The following PLEKHA5 variants were observed in gnomAD, a reference collection of about 807,000 sequenced individuals.
PLEKHA5 encodes pleckstrin homology domain containing A5.
Under a neutral mutation model 181.9 loss-of-function variants are expected in PLEKHA5, and 55 were observed. The observed-to-expected ratio is 0.30, with a 90% CI of 0.24 to 0.38. The LOEUF is 0.38. PLEKHA5 is among the 10% of genes least tolerant of loss of function. PLEKHA5 has a pLI of 1.00. For synonymous variants in PLEKHA5, 535 were observed against 529.4 expected (o/e 1.01, Z -0.15); for missense variants, 1,432 against 1,549.5 (o/e 0.92, Z 1.27).
chr12:19,260,603 T>C (rs1489459870), intron 6 of PLEKHA5, among the ~76,000 whole-genome samples: 2 of 152,144 alleles, frequency 1.3e-5, no homozygotes, highest in African/African-American at 4.8e-5. Context: ...AAGCCTGTAA[T>C]CCCAGCACTT....
At chr12:19,239,337 C>T (rs2062015535) in intron 3 of PLEKHA5, among the ~76,000 whole-genome samples, 1 of 152,056 alleles carries the variant, frequency 6.6e-6, no homozygotes, top group South Asian at 2.1e-4. Context: ...CTGTAGTGGC[C>T]ATTGGATTTC....
At chr12:19,367,755 ATT>A (rs34285066) in intron 30 of PLEKHA5, among the ~76,000 whole-genome samples, 6 of 131,682 alleles carry the variant, frequency 4.6e-5, no homozygotes, top group African/African-American at 2.8e-5. Flanking sequence ...AATTTTTTGT[ATT>A]TTTTTTTTTT....
intron 12 of PLEKHA5, among the ~76,000 whole-genome samples, chr12:19,286,763 C>G (rs541087634): frequency 6.6e-6 from 1 of 151,700 alleles, no homozygotes; most frequent in Non-Finnish European, 1.5e-5. Context: ...GCCAGGAGTT[C>G]GAGACCAGCC....
chr12:19,314,791 A>G (rs1051393344), intron 15 of PLEKHA5, 23 bp from the exon 16 acceptor site: 6 of 1,320,174 alleles, frequency 4.5e-6, no homozygotes, highest in Admixed American at 2.0e-5. Flanking sequence ...TGTTTGCTGT[A>G]TGCTCCTCCT....
chr12:19,303,805 T>A (rs955773525), intron 15 of PLEKHA5: 1 of 146,936 alleles, frequency 6.8e-6, no homozygotes, highest in African/African-American at 2.5e-5. Context: ...TAAGATATCC[T>A]TTCTTTGAGC....
chr12:19,161,494 A>G (rs2042955071), intron 3 of PLEKHA5, among the ~76,000 whole-genome samples: 1 of 152,034 alleles, frequency 6.6e-6, no homozygotes. Context: ...CACAATCAGC[A>G]CCCCTCTCCC....
intron 16 of PLEKHA5, among the ~76,000 whole-genome samples, chr12:19,317,640 T>A (rs959463850): frequency 6.6e-6 from 1 of 151,952 alleles, no homozygotes; most frequent in African/African-American, 2.4e-5. Context: ...ATAGTCCACA[T>A]ACCTAAGGGA....
chr12:19,176,134 G>A (rs906250221), intron 3 of PLEKHA5, among the ~76,000 whole-genome samples: 1 of 151,834 alleles, frequency 6.6e-6, no homozygotes, highest in Non-Finnish European at 1.5e-5. Flanking sequence ...GAGATAACAA[G>A]ATACAATGTT....
chr12:19,296,795 C>G (rs894615807), intron 15 of PLEKHA5, among the ~76,000 whole-genome samples: 7 of 152,146 alleles, frequency 4.6e-5, no homozygotes, highest in African/African-American at 1.7e-4. Flanking sequence ...GTCAAAAACT[C>G]TCCATGAGTG....
intron 20 of PLEKHA5, among the ~76,000 whole-genome samples, chr12:19,327,706 G>A (rs1480462815): frequency 1.2e-4 from 18 of 145,836 alleles, no homozygotes; most frequent in South Asian, 6.4e-4. Context: ...GTGCAGTGGC[G>A]CGATCTTTGC....
At chr12:19,144,980 A>G (rs1206928520) in intron 3 of PLEKHA5, among the ~76,000 whole-genome samples, 3 of 152,226 alleles carry the variant, frequency 2.0e-5, no homozygotes, top group African/African-American at 7.2e-5. Flanking sequence ...GATATAAATA[A>G]TTGGTATCTT....
intron 3 of PLEKHA5, among the ~76,000 whole-genome samples, chr12:19,164,300 G>A (rs2043761851): frequency 6.8e-6 from 1 of 147,964 alleles, no homozygotes. Flanking sequence ...CCGGGTTCAA[G>A]CGATTCTCCT....
chr12:19,371,272 G>A (rs1265737068), intron 31 of PLEKHA5: 2 of 152,334 alleles, frequency 1.3e-5, no homozygotes, highest in African/African-American at 4.8e-5. Flanking sequence ...CTCCCAAAGT[G>A]CTGAGATTAC....
chr12:19,361,762 A>T, intron 29 of PLEKHA5, 56 bp downstream of exon 29: 1 of 1,456,774 alleles, frequency 6.9e-7, no homozygotes, highest in Non-Finnish European at 9.5e-7. Context: ...CTGCTTAAAA[A>T]TGGTGAACTT....
At chr12:19,218,906 ATTTT>A (rs34616084) in intron 3 of PLEKHA5, among the ~76,000 whole-genome samples, 11 of 132,860 alleles carry the variant, frequency 8.3e-5, no homozygotes, top group South Asian at 2.3e-4. Flanking sequence ...TATTATTATT[ATTTT>A]TTTTTTTACT....
At chr12:19,263,419 C>T (rs967263277) in intron 7 of PLEKHA5, among the ~76,000 whole-genome samples, 2 of 152,126 alleles carry the variant, frequency 1.3e-5, no homozygotes, top group South Asian at 2.1e-4. Flanking sequence ...CTCTTAATCA[C>T]GAGTTTTTGC....
At chr12:19,282,490 A>G (rs149386576) in intron 11 of PLEKHA5, among the ~76,000 whole-genome samples, 1,842 of 152,334 alleles carry the variant, frequency 0.012, 24 homozygotes, top group African/African-American at 0.042. Context: ...ATTTACTCCC[A>G]TAAATAACCA....
Position 19,231,426 on chromosome 12 carries a change from C to G in PLEKHA5, c.228-22514C>G, listed in dbSNP as rs1037707969. 2.0e-5 allele frequency among the ~76,000 whole-genome samples: 3 copies of G among 148,978 alleles called. No homozygotes were observed. In the Admixed American group the frequency reaches 2.0e-4, roughly 10 times the overall value. ...AAACTACCATTCACAAGTGTACATT[C>G]ACATAAATATGTGCAATTTTTGTCC... On this transcript the variant is annotated intron_variant, in intron 3 of 31. Coordinates refer to ENST00000429027, the MANE Select transcript of PLEKHA5 (RefSeq NM_001256470.2).
chr12:19,260,615 G>A (rs559517793), intron 6 of PLEKHA5, among the ~76,000 whole-genome samples: 27 of 152,208 alleles, frequency 1.8e-4, no homozygotes, highest in Middle Eastern at 3.4e-3. Context: ...CCAGCACTTC[G>A]GAAGGCCAAG....
Sources: gnomAD v4.1 joint callset for allele counts (sites outside exome capture counted in the v4.1 genomes callset) on GRCh38, gnomAD v4.1.1 for gene constraint, MANE v1.5 for transcripts, NCBI Gene and HGNC (gene_info 2026-07-23, HGNC 2026-07-21) for gene names.